The following RARB variants were observed in gnomAD, a reference collection of about 807,000 sequenced individuals.
RARB encodes the protein retinoic acid receptor beta, also known as HBV-activated protein.
In RARB, 17 loss-of-function variants were observed where a neutral mutation model predicts 51.9. The observed-to-expected ratio is 0.33, with a 90% CI of 0.22 to 0.49. The LOEUF is 0.49. Ranked by LOEUF, RARB falls within the 20% of genes least tolerant of loss-of-function variation. The pLI, the probability that RARB is intolerant of heterozygous loss-of-function variation, is 0.99. For missense variants in RARB, 369 were observed against 550.8 expected, an observed-to-expected ratio of 0.67 and a Z score of 3.30; for synonymous variants, 215 against 195.4, an observed-to-expected ratio of 1.10 and a Z score of -0.84.
intron 5 of RARB, among the ~76,000 whole-genome samples, chr3:25,271,306 A>G (rs966398979): frequency 6.6e-6 from 1 of 152,204 alleles, no homozygotes; most frequent in African/African-American, 2.4e-5. Flanking sequence ...TTTCATATAA[A>G]TAATAGTGTG....
chr3:24,909,563 CTT>C (rs1304213068), intron 2 of RARB, among the ~76,000 whole-genome samples: 22 of 140,738 alleles, frequency 1.6e-4, no homozygotes, highest in Admixed American at 2.9e-4. Flanking sequence ...TTTTCTTCAT[CTT>C]TTTTTTTTTT....
At chr3:25,502,875 T>C (rs538077963) in intron 3 of RARB, among the ~76,000 whole-genome samples, 8 of 152,318 alleles carry the variant, frequency 5.3e-5, no homozygotes, top group African/African-American at 7.2e-5. Context: ...AATAGCACCA[T>C]TGAATTACTG....
At chr3:25,461,101 T>G in intron 1 of RARB, 92 bp from the exon 2 acceptor site, 1 of 1,408,892 alleles carries the variant, frequency 7.1e-7, no homozygotes, top group Non-Finnish European at 9.5e-7. Context: ...TTGCTGAATT[T>G]GGGGCAGAAG....
At chr3:25,051,107 G>A (rs1006370875) in intron 2 of RARB, among the ~76,000 whole-genome samples, 1 of 152,084 alleles carries the variant, frequency 6.6e-6, no homozygotes, top group Non-Finnish European at 1.5e-5. Flanking sequence ...GTAGAATAGG[G>A]TTTCCTTTTC....
At chr3:25,384,835 TC>T (rs1706746744) in intron 5 of RARB, among the ~76,000 whole-genome samples, 1 of 152,216 alleles carries the variant, frequency 6.6e-6, no homozygotes, top group Non-Finnish European at 1.5e-5. Context: ...CAAATTCTGT[TC>T]GTTCAGAAAG....
chr3:25,376,599 T>C (rs973035401), intron 5 of RARB, among the ~76,000 whole-genome samples: 2 of 152,230 alleles, frequency 1.3e-5, no homozygotes, highest in Admixed American at 6.5e-5. Context: ...TGCACCTACC[T>C]ACACAACTCC....
At chr3:25,246,247 C>T (rs1025680491) in intron 5 of RARB, among the ~76,000 whole-genome samples, 1 of 151,978 alleles carries the variant, frequency 6.6e-6, no homozygotes, top group African/African-American at 2.4e-5. Context: ...TCTTAGCTTC[C>T]TTGCATTGGA....
chr3:25,293,597 T>TAAAAAAAAAAA lies in RARB; in HGVS notation c.178+119033_178+119043dup, dbSNP rs10713675. Reference sequence around the variant, plus strand: ...TTCCCGAGGCTAGAGTTACTCCATTTAAAAAAAAAAAAAAAAAAAAAGTTC... The same window carrying TAAAAAAAAAAA: ...TTCCCGAGGCTAGAGTTACTCCATTTAAAAAAAAAAAAAAAAAAAAAAAAAAAAAAAAGTTC... On this transcript the variant is annotated intron_variant, in intron 5 of 11. Coordinates refer to the RARB transcript ENST00000383772. Among the ~76,000 whole-genome samples the TAAAAAAAAAAA allele has an allele frequency of 2.9e-4, 20 of 68,636 alleles. 2 individuals carry two copies. Among genetic ancestry groups the TAAAAAAAAAAA allele is most frequent in the Admixed American group, 1.4e-3 (6 of 4,230 alleles). 45.0% of individuals were successfully genotyped at this position (68,636 alleles called of 152,430 possible).
chr3:25,057,358 A>G (rs765288968), intron 2 of RARB, among the ~76,000 whole-genome samples: 38 of 152,112 alleles, frequency 2.5e-4, no homozygotes, highest in South Asian at 6.2e-4. Context: ...ATTATATTTG[A>G]GAATAAGAGT....
intron 5 of RARB, among the ~76,000 whole-genome samples, chr3:25,384,367 G>A (rs74928855): frequency 0.073 from 11,129 of 152,102 alleles, 468 homozygotes; most frequent in Middle Eastern, 0.12. Flanking sequence ...CCTATTAACC[G>A]ATAGGGTGGA....
intron 2 of RARB, among the ~76,000 whole-genome samples, chr3:25,491,301 C>G (rs974138148): frequency 7.2e-5 from 11 of 151,964 alleles, no homozygotes; most frequent in Non-Finnish European, 1.3e-4. Flanking sequence ...CCCTTTTACA[C>G]TACAAAAATA....
chr3:25,413,065 G>A (rs937551046), intron 5 of RARB, among the ~76,000 whole-genome samples: 4 of 150,948 alleles, frequency 2.6e-5, no homozygotes, highest in East Asian at 1.9e-4. Flanking sequence ...AATATGACCC[G>A]AACACCAAAA....
chr3:25,564,679 TGG>T (rs1700417367), intron 3 of RARB, among the ~76,000 whole-genome samples: 1 of 152,162 alleles, frequency 6.6e-6, no homozygotes, highest in Non-Finnish European at 1.5e-5. Flanking sequence ...TATTAAGCCC[TGG>T]GGACATAGAG....
At chr3:25,018,495 C>T (rs1256409580) in intron 2 of RARB, among the ~76,000 whole-genome samples, 1 of 152,040 alleles carries the variant, frequency 6.6e-6, no homozygotes, top group African/African-American at 2.4e-5. Context: ...GCCTCAAAGT[C>T]TTGATGATTA....
At chr3:25,079,255 A>G (rs1559458611) in intron 3 of RARB, among the ~76,000 whole-genome samples, 1 of 152,176 alleles carries the variant, frequency 6.6e-6, no homozygotes, top group East Asian at 1.9e-4. Context: ...AAATTTACTT[A>G]CACATTTTTA....
At chr3:25,407,051 A>G (rs1371384269) in intron 5 of RARB, among the ~76,000 whole-genome samples, 4 of 151,988 alleles carry the variant, frequency 2.6e-5, no homozygotes, top group African/African-American at 4.8e-5. Flanking sequence ...TCCTATTTTT[A>G]CCACCCACAA....
At chr3:24,879,073 T>G (rs1370119753) in intron 2 of RARB, among the ~76,000 whole-genome samples, 2 of 152,176 alleles carry the variant, frequency 1.3e-5, no homozygotes, top group Non-Finnish European at 2.9e-5. Flanking sequence ...TATATTTTTT[T>G]TCTCACTGTA....
intron 5 of RARB, among the ~76,000 whole-genome samples, chr3:25,421,919 C>G (rs945330849): frequency 6.6e-6 from 1 of 152,156 alleles, no homozygotes; most frequent in Non-Finnish European, 1.5e-5. Context: ...CACTGCCTCT[C>G]TAATCATTAA....
chr3:25,578,758 C>A (rs552628165), intron 4 of RARB, among the ~76,000 whole-genome samples: 8 of 152,352 alleles, frequency 5.3e-5, no homozygotes, highest in African/African-American at 1.7e-4. Context: ...TTTACAGTGT[C>A]TGTGGCACCT....
Sources: gnomAD v4.1 joint callset for allele counts (sites outside exome capture counted in the v4.1 genomes callset) on GRCh38, gnomAD v4.1.1 for gene constraint, MANE v1.5 for transcripts, NCBI Gene and HGNC (gene_info 2026-07-23, HGNC 2026-07-21) for gene names.